Variants in LRBA observed in about 807,000 individuals in gnomAD.
LRBA encodes the protein lipopolysaccharide-responsive and beige-like anchor protein.
Under a neutral mutation model 330.0 loss-of-function variants are expected in LRBA, and 176 were observed. The ratio of observed to expected loss-of-function variants is 0.53; its 90% CI spans 0.47 to 0.60. The LOEUF is 0.60. Among genes scored for constraint, LRBA ranks in the 20% least tolerant of loss-of-function variants. The pLI, the probability that LRBA is intolerant of heterozygous loss-of-function variation, is 0.00. For synonymous variants in LRBA, 1,230 were observed against 1,193.0 expected, an observed-to-expected ratio of 1.03 and a Z score of -0.64; for missense variants, 3,259 against 3,444.8, an observed-to-expected ratio of 0.95 and a Z score of 1.35.
At position 150,885,435 on chromosome 4, in the gene LRBA, A is replaced by G. The variant is rs1728847553; in HGVS notation, c.2165+7617T>C. Among the ~76,000 whole-genome samples the G allele has an allele frequency of 4.6e-5, 7 of 152,264 alleles. No individual in the cohort carries two copies. The South Asian group carries it at 1.5e-3, about 32-fold the overall frequency. ...CAGGCATTCGAGACCAGCCTGACCC[A>G]CACAGTGAAACCCCATCTCTACTAA... On this transcript the variant is annotated intron_variant, in intron 17 of 56. Coordinates refer to ENST00000651943, the MANE Select transcript of LRBA (RefSeq NM_001364905.1).
At chr4:150,267,014 A>G (rs1745438124) in intron 56 of LRBA, among the ~76,000 whole-genome samples, 1 of 152,234 alleles carries the variant, frequency 6.6e-6, no homozygotes, top group Non-Finnish European at 1.5e-5. Context: ...TAACAATTAT[A>G]TATGCATTTA....
rs191785173 is a variant in LRBA, at chr4:151,006,148, C to G, written c.216+8279G>C. ...CCTAAGGTCAGGAGTTCGGGACCAG[C>G]CTGGCCAATATGGCGAAACCCCGTC... On this transcript the variant is annotated intron_variant, in intron 2 of 56. Transcript: ENST00000651943. Among the ~76,000 whole-genome samples, 843 of 152,212 alleles carry G rather than the reference C, an allele frequency of 5.5e-3. 4 individuals carry two copies. Among genetic ancestry groups the G allele is most frequent in the African/African-American group, 0.019 (790 of 41,516 alleles).
chr4:150,860,643 T>C (rs753213431), intron 22 of LRBA, among the ~76,000 whole-genome samples: 81 of 152,028 alleles, frequency 5.3e-4, no homozygotes, highest in South Asian at 1.0e-3. Flanking sequence ...CTGGCTAACA[T>C]GGTGAAACCT....
chr4:150,822,504 C>T (rs112284178), intron 30 of LRBA, among the ~76,000 whole-genome samples: 3,946 of 152,218 alleles, frequency 0.026, 133 homozygotes, highest in African/African-American at 0.084. Flanking sequence ...CAGTGGCTCA[C>T]GCCTGGAATC....
chr4:150,976,622 G>A (rs1005547031), intron 2 of LRBA, among the ~76,000 whole-genome samples: 5 of 152,062 alleles, frequency 3.3e-5, no homozygotes, highest in African/African-American at 1.2e-4. Flanking sequence ...ACCGATCATC[G>A]CCGCGACAGA....
chr4:150,791,928 C>A (rs998748086), intron 34 of LRBA, among the ~76,000 whole-genome samples: 1 of 144,918 alleles, frequency 6.9e-6, no homozygotes, highest in African/African-American at 2.6e-5. Flanking sequence ...GCTCGGGAGG[C>A]TGAGGCAGGA....
intron 30 of LRBA, among the ~76,000 whole-genome samples, chr4:150,820,809 A>T (rs1333947170): frequency 6.6e-6 from 1 of 152,086 alleles, no homozygotes; most frequent in African/African-American, 2.4e-5. Flanking sequence ...TTCAACAGAG[A>T]TCTTTAACCT....
At chr4:150,663,404 T>C (rs1374064919) in intron 37 of LRBA, among the ~76,000 whole-genome samples, 2 of 152,228 alleles carry the variant, frequency 1.3e-5, no homozygotes, top group South Asian at 2.1e-4. Flanking sequence ...AAGAGTATCA[T>C]TTCCATTACT....
intron 37 of LRBA, among the ~76,000 whole-genome samples, chr4:150,668,429 TA>T (rs1781756360): frequency 6.6e-6 from 1 of 152,224 alleles, no homozygotes; most frequent in Non-Finnish European, 1.5e-5. Context: ...CCAAACAAGC[TA>T]TAGGCAGTGT....
chr4:150,337,090 T>C (rs971819001), intron 48 of LRBA, among the ~76,000 whole-genome samples: 1 of 152,106 alleles, frequency 6.6e-6, no homozygotes, highest in African/African-American at 2.4e-5. Context: ...GGAAAAAAAC[T>C]CAACAATATC....
intron 30 of LRBA, among the ~76,000 whole-genome samples, chr4:150,823,769 C>T (rs189490746): frequency 1.3e-5 from 2 of 151,976 alleles, no homozygotes; most frequent in Admixed American, 6.6e-5. Context: ...CACTTGTAGA[C>T]GTGTGGATTT....
In LRBA at chr4:150,897,810, G is replaced by A. The variant is rs368167203; in HGVS notation, c.1933C>T (p.Arg645Ter). The A allele has an allele frequency of 3.1e-6, 5 of 1,609,650 alleles. No individual in the cohort carries two copies. The highest frequency in any genetic ancestry group is 3.4e-6 in the Non-Finnish European group (4 of 1,177,038). ...GITPKGLDGP[R>*]PNQKEMLSLR... is the part of the protein sequence containing the mutation. ...GAAAGCATTTCTTTTTGATTAGGTCGCGGTCCATCTTTTAAAAAAATATAC... is the reference window on the plus strand; with the variant it reads ...GAAAGCATTTCTTTTTGATTAGGTCACGGTCCATCTTTTAAAAAAATATAC... The change falls in exon 15 of 57, where the codon CGA (arginine) becomes TGA (stop). Residue 645 changes from arginine to a stop codon, truncating the protein, a stop_gained. Transcript: ENST00000651943. LOFTEE classifies it high-confidence loss of function.
At chr4:150,661,881 A>G (rs975413961) in intron 37 of LRBA, among the ~76,000 whole-genome samples, 12 of 152,246 alleles carry the variant, frequency 7.9e-5, no homozygotes, top group South Asian at 2.1e-4. Context: ...CGGCCTCCCA[A>G]ACTGCTGGGA....
intron 40 of LRBA, among the ~76,000 whole-genome samples, chr4:150,493,279 T>C (rs537612462): frequency 1.6e-3 from 238 of 152,310 alleles, no homozygotes; most frequent in Non-Finnish European, 2.6e-3. Flanking sequence ...CCACTACACC[T>C]GGCCACTAAC....
rs1554070761 is a variant in LRBA, at chr4:150,639,769, A to ATATGTGTG, written c.5922-40639_5922-40638insCACACATA. 2.9e-4 allele frequency among the ~76,000 whole-genome samples: 2 copies of ATATGTGTG among 6,876 alleles called. 1 individual carries two copies. The highest frequency in any genetic ancestry group is 8.2e-4 in the African/African-American group (2 of 2,428). The allele number at this position is 6,876 out of a possible 152,430, so 4.5% of individuals were successfully genotyped here. A position where few individuals can be genotyped will look rare whatever the true frequency, so the allele number is the denominator to read the frequency against. On this transcript the variant is annotated intron_variant, in intron 37 of 56. Coordinates refer to ENST00000651943, the MANE Select transcript of LRBA (RefSeq NM_001364905.1). ...TATATATATATATATATATATATAT[A>ATATGTGTG]TATATATATATATGTGTGTGTGTAT... is the stretch of plus-strand genomic sequence containing the variant.
At chr4:150,865,211 G>C (rs1291789389) in intron 22 of LRBA, among the ~76,000 whole-genome samples, 3 of 152,150 alleles carry the variant, frequency 2.0e-5, no homozygotes, top group Non-Finnish European at 4.4e-5. Context: ...AAAAAAATCA[G>C]TCTAGATTGC....
intron 46 of LRBA, among the ~76,000 whole-genome samples, chr4:150,422,008 A>G (rs1255982855): frequency 6.6e-6 from 1 of 152,324 alleles, no homozygotes; most frequent in East Asian, 1.9e-4. Flanking sequence ...CTGTGGTCCC[A>G]ACATTTTGGG....
chr4:150,989,528 G>C (rs565551495), intron 2 of LRBA, among the ~76,000 whole-genome samples: 82 of 152,116 alleles, frequency 5.4e-4, no homozygotes, highest in African/African-American at 1.9e-3. Context: ...TGAGAGAATC[G>C]CTTGAACCCG....
At chr4:150,648,371 C>T (rs1234905276) in intron 37 of LRBA, among the ~76,000 whole-genome samples, 2 of 151,632 alleles carry the variant, frequency 1.3e-5, no homozygotes, top group African/African-American at 4.8e-5. Flanking sequence ...GTTGAGGCCG[C>T]AGAAAGTTCA....
Sources: allele counts gnomAD v4.1 joint callset (sites outside exome capture counted in the v4.1 genomes callset), GRCh38; gene constraint gnomAD v4.1.1; transcripts MANE v1.5; gene names NCBI Gene and HGNC (gene_info 2026-07-23, HGNC 2026-07-21).